Variants in HDAC9 observed in about 807,000 individuals in gnomAD.
HDAC9 encodes the protein histone deacetylase 9.
HDAC9 carries 41 observed loss-of-function variants against 139.4 expected under a neutral mutation model. The ratio of observed to expected loss-of-function variants is 0.29; its 90% CI spans 0.23 to 0.38. HDAC9 has a LOEUF of 0.38. HDAC9 is among the 10% of genes least tolerant of loss of function. The pLI is 1.00. For synonymous variants in HDAC9, 517 were observed against 476.2 expected, an observed-to-expected ratio of 1.09 and a Z score of -1.12; for missense variants, 1,147 against 1,297.0, an observed-to-expected ratio of 0.88 and a Z score of 1.78.
intron 2 of HDAC9, among the ~76,000 whole-genome samples, chr7:18,215,477 A>G (rs1439454273): frequency 1.3e-5 from 2 of 152,220 alleles, no homozygotes; most frequent in African/African-American, 4.8e-5. Flanking sequence ...AAATGTATCC[A>G]TGTTTATGCT....
chr7:18,742,724 G>T (rs1787572943), intron 13 of HDAC9, among the ~76,000 whole-genome samples: 1 of 151,442 alleles, frequency 6.6e-6, no homozygotes, highest in Non-Finnish European at 1.5e-5. Context: ...TTTATATTCT[G>T]GAGGCTTCTC....
chr7:18,432,276 G>A (rs948352458), intron 1 of HDAC9, among the ~76,000 whole-genome samples: 3 of 152,148 alleles, frequency 2.0e-5, no homozygotes, highest in Non-Finnish European at 4.4e-5. Context: ...TTTCTTTTTA[G>A]CTCTGGGTAC....
intron 2 of HDAC9, among the ~76,000 whole-genome samples, chr7:18,249,719 C>G (rs1794800823): frequency 1.3e-5 from 2 of 151,826 alleles, no homozygotes; most frequent in Admixed American, 6.6e-5. Flanking sequence ...GAGAGAACAC[C>G]AATTAAATAG....
intron 25 of HDAC9, among the ~76,000 whole-genome samples, chr7:18,986,476 T>C (rs1404500836): frequency 8.9e-6 from 1 of 112,846 alleles, no homozygotes; most frequent in Non-Finnish European, 1.9e-5. Context: ...TACTGTAGCC[T>C]TGTAGTATAG....
Position 19,001,024 on chromosome 7 carries a change from T to C in HDAC9, c.*4962T>C, listed in dbSNP as rs754608022. ...GACTTTTTCAAATATTCTTAAAAGA[T>C]AGATTTAGTTATTGTATTTTGGTCT... On this transcript the variant is annotated 3_prime_UTR_variant, in exon 26 of 26. Coordinates refer to ENST00000686413, the MANE Select transcript of HDAC9 (RefSeq NM_178425.4). 1.1e-4 allele frequency: 16 copies of C among 152,234 alleles called. No individual in the cohort carries two copies. Among genetic ancestry groups the C allele is most frequent in the African/African-American group, 2.2e-4 (9 of 41,470 alleles). The allele number at this position is 152,234 out of a possible 1,614,324, so 9.4% of individuals were successfully genotyped here.
intron 23 of HDAC9, among the ~76,000 whole-genome samples, chr7:18,948,653 C>G (rs1423367724): frequency 6.6e-6 from 1 of 151,966 alleles, no homozygotes; most frequent in Non-Finnish European, 1.5e-5. Context: ...CGTGTCTGAC[C>G]ACTACTATAC....
chr7:18,504,256 C>T (rs1220069006), intron 2 of HDAC9, among the ~76,000 whole-genome samples: 1 of 152,048 alleles, frequency 6.6e-6, no homozygotes. Flanking sequence ...TTTTTTCTGT[C>T]ATACTCCTCT....
chr7:18,829,072 G>GC, intron 17 of HDAC9, 89 bp from the exon 18 acceptor site: 1 of 877,462 alleles, frequency 1.1e-6, no homozygotes, highest in African/African-American at 1.6e-5. Flanking sequence ...GTGTGTGCCT[G>GC]AGGCACTGTT....
chr7:18,810,859 C>G (rs1794119763), intron 17 of HDAC9, among the ~76,000 whole-genome samples: 1 of 151,746 alleles, frequency 6.6e-6, no homozygotes, highest in Admixed American at 6.6e-5. Flanking sequence ...ACTTTTACTG[C>G]TGAGTAGTAT....
chr7:18,288,754 T>C (rs1324306881), upstream of HDAC9, among the ~76,000 whole-genome samples: 1 of 151,760 alleles, frequency 6.6e-6, no homozygotes, highest in Non-Finnish European at 1.5e-5. Flanking sequence ...TATACATTGG[T>C]CCTAAAGAGG....
At chr7:18,820,211 G>A (rs923791846) in intron 17 of HDAC9, among the ~76,000 whole-genome samples, 1 of 152,102 alleles carries the variant, frequency 6.6e-6, no homozygotes, top group Admixed American at 6.5e-5. Flanking sequence ...TGTGAGACTA[G>A]TAGATTTTCA....
intron 2 of HDAC9, among the ~76,000 whole-genome samples, chr7:18,190,891 A>G (rs539800099): frequency 1.3e-5 from 2 of 152,320 alleles, no homozygotes; most frequent in South Asian, 4.1e-4. Flanking sequence ...TACCTTTGTA[A>G]AACATGCGGA....
chr7:18,416,036 G>C lies in HDAC9; in HGVS notation c.-41-80226G>C, dbSNP rs372390591. On this transcript the variant is annotated intron_variant, in intron 1 of 3. Coordinates refer to the HDAC9 transcript ENST00000413509. ...CAGCCAGGCTCAGTGACTCACGCCTGTAATCCCAAAACTTTGTGAGGCCAA... is the reference window on the plus strand; with the variant it reads ...CAGCCAGGCTCAGTGACTCACGCCTCTAATCCCAAAACTTTGTGAGGCCAA... Among the ~76,000 whole-genome samples, 5 of 152,242 alleles carry C rather than the reference G, an allele frequency of 3.3e-5. No individual in the cohort carries two copies. In the East Asian group the frequency reaches 9.7e-4, roughly 29 times the overall value.
intron 1 of HDAC9, among the ~76,000 whole-genome samples, chr7:18,140,671 T>C (rs1196146756): frequency 2.6e-5 from 4 of 152,184 alleles, no homozygotes; most frequent in African/African-American, 4.8e-5. Context: ...GTATGCAGTA[T>C]TTGAAAGAAT....
chr7:18,418,122 A>G (rs1321418931), intron 1 of HDAC9, among the ~76,000 whole-genome samples: 1 of 152,144 alleles, frequency 6.6e-6, no homozygotes, highest in Admixed American at 6.5e-5. Flanking sequence ...GCTCAAGTCT[A>G]GAATCTTGAA....
intron 2 of HDAC9, among the ~76,000 whole-genome samples, chr7:18,536,729 A>G (rs1343717480): frequency 2.0e-5 from 3 of 152,178 alleles, no homozygotes; most frequent in African/African-American, 7.2e-5. Flanking sequence ...ACACGTGTGA[A>G]TGTTAAGGTA....
chr7:18,370,878 G>A (rs956158282), intron 1 of HDAC9, among the ~76,000 whole-genome samples: 9 of 152,128 alleles, frequency 5.9e-5, no homozygotes, highest in Admixed American at 2.6e-4. Flanking sequence ...CCGTAGGGGC[G>A]TAGAGGAAAA....
intron 1 of HDAC9, among the ~76,000 whole-genome samples, chr7:18,467,101 G>C (rs900649705): frequency 3.2e-4 from 49 of 152,230 alleles, no homozygotes; most frequent in Admixed American, 5.9e-4. Flanking sequence ...ATTCCTGTTT[G>C]GATGTTTCAC....
At chr7:18,847,420 A>G (rs1419035731) in intron 21 of HDAC9, among the ~76,000 whole-genome samples, 3 of 152,160 alleles carry the variant, frequency 2.0e-5, no homozygotes, top group Admixed American at 6.5e-5. Context: ...ATACACTGAA[A>G]AAAAAGAGTA....
Sources: allele counts gnomAD v4.1 joint callset (sites outside exome capture counted in the v4.1 genomes callset), GRCh38; gene constraint gnomAD v4.1.1; transcripts MANE v1.5; gene names NCBI Gene and HGNC (gene_info 2026-07-23, HGNC 2026-07-21).